TGM3: variants seen among roughly 807,000 people sequenced by gnomAD.
TGM3 encodes the protein transglutaminase 3.
Under a neutral mutation model 73.8 loss-of-function variants are expected in TGM3, and 52 were observed. That is an observed-to-expected ratio of 0.70 (90% confidence interval 0.56 to 0.89). TGM3 has a LOEUF of 0.89. Among genes scored for constraint, TGM3 ranks in the 40% least tolerant of loss-of-function variants. The pLI, the probability that TGM3 is intolerant of heterozygous loss-of-function variation, is 0.00. For synonymous variants in TGM3, 372 were observed against 354.9 expected, an observed-to-expected ratio of 1.05 and a Z score of -0.54; for missense variants, 928 against 909.9, an observed-to-expected ratio of 1.02 and a Z score of -0.26.
chr20:2,306,380 C>G (rs1187161099), intron 1 of TGM3, among the ~76,000 whole-genome samples: 1 of 152,104 alleles, frequency 6.6e-6, no homozygotes, highest in Admixed American at 6.5e-5. Context: ...TGCTCTGAAA[C>G]CACATGTTCC....
intron 1 of TGM3, among the ~76,000 whole-genome samples, chr20:2,305,083 G>A (rs1330902373): frequency 6.6e-6 from 1 of 152,190 alleles, no homozygotes; most frequent in African/African-American, 2.4e-5. Context: ...CATGAGTTCA[G>A]CCTGGAAGCT....
In TGM3 at chr20:2,310,158, A is replaced by G. The variant is rs969852605; in HGVS notation, c.182-20A>G. 1.9e-6 allele frequency: 3 copies of G among 1,612,988 alleles called. No individual in the cohort carries two copies. Among genetic ancestry groups the G allele is most frequent in the Non-Finnish European group, 2.5e-6 (3 of 1,179,548 alleles). ...TGACCAGTGCTTGTTGGTTTTCTCA[A>G]CCTCTGTCTTCTTTGACAGGGCCTT... On this transcript the variant is annotated intron_variant, in intron 2 of 12. Transcript: ENST00000381458.
intron 3 of TGM3, 95 bp downstream of exon 3, chr20:2,310,512 A>G: frequency 6.5e-7 from 1 of 1,544,908 alleles, no homozygotes; most frequent in Admixed American, 1.9e-5. Flanking sequence ...AAGTTTGATT[A>G]GGGAAAGTCC....
At chr20:2,337,399 G>A (rs898076420) in intron 11 of TGM3, among the ~76,000 whole-genome samples, 1 of 152,138 alleles carries the variant, frequency 6.6e-6, no homozygotes, top group African/African-American at 2.4e-5. Context: ...AGAACATTCT[G>A]TACTAAAGTG....
At chr20:2,315,801 C>T (rs944608265) in intron 5 of TGM3, among the ~76,000 whole-genome samples, 3 of 152,198 alleles carry the variant, frequency 2.0e-5, no homozygotes, top group Admixed American at 6.5e-5. Context: ...GAGAGGTGAA[C>T]AGACCTTTGT....
At chr20:2,304,175 C>A (rs921779133) in intron 1 of TGM3, among the ~76,000 whole-genome samples, 3 of 152,182 alleles carry the variant, frequency 2.0e-5, no homozygotes, top group African/African-American at 7.2e-5. Flanking sequence ...TCCTTTCCTA[C>A]ACATTCTGAC....
chr20:2,328,529 T>C lies in TGM3; in HGVS notation c.1333+164T>C, dbSNP rs2084303194. Among the ~76,000 whole-genome samples the C allele has an allele frequency of 1.3e-5, 2 of 152,216 alleles. No individual in the cohort carries two copies. The highest frequency in any genetic ancestry group is 4.8e-5 in the African/African-American group (2 of 41,460). ...ACCTAACATCCACCTCCCAGGACTG[T>C]TTCCGGAGGGAACAAAACCATCACG... On this transcript the variant is annotated intron_variant, in intron 9 of 12. Transcript: ENST00000381458. This position sits in a 1 kb window ranked among gnomAD's most constrained non-coding sequence, Gnocchi z 5.2.
At chr20:2,321,900 T>C (rs985699445) in intron 7 of TGM3, among the ~76,000 whole-genome samples, 1 of 152,242 alleles carries the variant, frequency 6.6e-6, no homozygotes, top group African/African-American at 2.4e-5. Context: ...CTGCTCTGCC[T>C]TAAATTCCTG....
In TGM3 at chr20:2,332,132, G is replaced by A; in HGVS notation, c.1464G>A (p.Lys488=). Reference sequence around the variant, plus strand: ...AGCCCAGCATCATCGGGAAGCTGAAGGTCGCTGGCATGCTGGCAGTAGGCA... The same window carrying A: ...AGCCCAGCATCATCGGGAAGCTGAAAGTCGCTGGCATGCTGGCAGTAGGCA... ...EQEPSIIGKL[K]VAGMLAVGKE... Residue 488 remains lysine (K), a synonymous_variant, in exon 10 of 13, where the codon AAG becomes AAA. Transcript: ENST00000381458. This position sits in a 1 kb window ranked among gnomAD's most constrained non-coding sequence, Gnocchi z 4.4. 3.7e-6 allele frequency: 6 copies of A among 1,614,208 alleles called. No homozygotes were observed. Among genetic ancestry groups the A allele is most frequent in the Non-Finnish European group, 5.1e-6 (6 of 1,180,034 alleles).
chr20:2,312,950 A>G lies in TGM3; in HGVS notation c.593A>G (p.Asn198Ser). ...ICLSILDRSL[N>S]FRRDAATDVA... The stretch of plus-strand genomic sequence containing the variant: ...CTCTCAATCTTGGATAGGAGTCTGA[A>G]TTTCCGCCGTGACGCTGCTACTGAT... The change falls in exon 5 of 13, where the codon AAT (asparagine) becomes AGT (serine). Residue 198 changes from asparagine (N) to serine (S), a missense_variant. Coordinates refer to ENST00000381458, the MANE Select transcript of TGM3 (RefSeq NM_003245.4). 4.3e-6 allele frequency: 7 copies of G among 1,614,162 alleles called. No homozygotes were observed. The highest frequency in any genetic ancestry group is 5.9e-6 in the Non-Finnish European group (7 of 1,180,040).
At chr20:2,310,134 G>T in intron 2 of TGM3, 44 bp from the exon 3 acceptor site, 1 of 1,610,668 alleles carries the variant, frequency 6.2e-7, no homozygotes, top group South Asian at 1.1e-5. Flanking sequence ...TCCACAGTCT[G>T]ACCAGTGCTT....
rs2084329415 is a variant in TGM3 at position 2,332,990 on chromosome 20, G to A, written c.1642+680G>A. 6.6e-6 allele frequency among the ~76,000 whole-genome samples: 1 copy of A among 152,232 alleles called. No homozygotes were observed. Among genetic ancestry groups the A allele is most frequent in the Non-Finnish European group, 1.5e-5 (1 of 68,042 alleles). ...GAAGTCTGAGCGTTTGGGAGGAACA[G>A]TGACTCCTTGCCCTTGGGTAGCAGG... On this transcript the variant is annotated intron_variant, in intron 10 of 12. Coordinates refer to ENST00000381458, the MANE Select transcript of TGM3 (RefSeq NM_003245.4). This position sits in a 1 kb window ranked among gnomAD's most constrained non-coding sequence, Gnocchi z 4.4.
At chr20:2,324,297 T>A (rs934727695) in intron 7 of TGM3, among the ~76,000 whole-genome samples, 2 of 152,228 alleles carry the variant, frequency 1.3e-5, no homozygotes, top group African/African-American at 2.4e-5. Flanking sequence ...TTTATTTCGT[T>A]GAGCCTCGCT....
intron 12 of TGM3, 130 bp downstream of exon 12, chr20:2,340,117 C>A (rs1392045412): frequency 1.7e-6 from 2 of 1,173,882 alleles, no homozygotes; most frequent in African/African-American, 1.5e-5. Context: ...GGTCTTGGAA[C>A]TCTAGAATCT....
At chr20:2,309,939 C>T in intron 2 of TGM3, 109 bp downstream of exon 2, 2 of 1,481,642 alleles carry the variant, frequency 1.3e-6, no homozygotes, top group Non-Finnish European at 1.8e-6. Context: ...GGGTTCTAGC[C>T]TTGCTCTGTC....
At chr20:2,319,437 G>C (rs369867835) in intron 7 of TGM3, among the ~76,000 whole-genome samples, 12 of 152,302 alleles carry the variant, frequency 7.9e-5, no homozygotes, top group African/African-American at 2.9e-4. Flanking sequence ...GACTGAGACA[G>C]GGATACCAGG....
chr20:2,335,682 T>C (rs1272366511), intron 11 of TGM3, among the ~76,000 whole-genome samples: 2 of 152,130 alleles, frequency 1.3e-5, no homozygotes, highest in African/African-American at 2.4e-5. Flanking sequence ...GGCTTGAGAA[T>C]CACAGACAGG....
chr20:2,325,316 C>T (rs1190878719), intron 7 of TGM3, among the ~76,000 whole-genome samples: 4 of 152,108 alleles, frequency 2.6e-5, no homozygotes, highest in Admixed American at 2.0e-4. Context: ...AGACAAAGAA[C>T]ATTTGAGGAC....
chr20:2,312,861 T>G (rs1173556579), intron 4 of TGM3, 37 bp from the exon 5 acceptor site: 3 of 1,611,510 alleles, frequency 1.9e-6, no homozygotes, highest in Non-Finnish European at 1.7e-6. Context: ...CTCCTTGTCA[T>G]TTCTTTAATT....
Sources: gnomAD v4.1 joint callset for allele counts (sites outside exome capture counted in the v4.1 genomes callset) on GRCh38, gnomAD v4.1.1 for gene constraint, Gnocchi (gnomAD v3.1) non-coding constraint, MANE v1.5 for transcripts, NCBI Gene and HGNC (gene_info 2026-07-23, HGNC 2026-07-21) for gene names.